Variants in TCTN2 observed in about 807,000 individuals in gnomAD.
The protein encoded by TCTN2 is tectonic-2.
Under a neutral mutation model 83.4 loss-of-function variants are expected in TCTN2, and 66 were observed. The observed-to-expected ratio is 0.79, with a 90% CI of 0.65 to 0.97. TCTN2 has a LOEUF of 0.97. Ranked by LOEUF, TCTN2 falls within the 50% of genes least tolerant of loss-of-function variation. The pLI is 0.00. For missense variants in TCTN2, 794 were observed against 858.1 expected, an observed-to-expected ratio of 0.93 and a Z score of 0.93; for synonymous variants, 301 against 326.7, an observed-to-expected ratio of 0.92 and a Z score of 0.85.
rs1436229349 is a variant in TCTN2, at chr12:123,706,709, T to G, written c.1770-17T>G. 3 of 1,613,852 alleles carry G rather than the reference T, an allele frequency of 1.9e-6. No individual in the cohort carries two copies. The highest frequency in any genetic ancestry group is 2.5e-6 in the Non-Finnish European group (3 of 1,179,950). On this transcript the variant is annotated splice_polypyrimidine_tract_variant and intron_variant, in intron 15 of 17. Transcript: ENST00000303372. The stretch of plus-strand genomic sequence containing the variant: ...CTGAATGGTGGCTATGCTGACCATG[T>G]GATCTTTCCCTCCTAGGTTCTCCTC...
At position 123,671,201 on chromosome 12, in the gene TCTN2, G is replaced by C. The variant is rs1359580957; in HGVS notation, c.-40G>C. The C allele has an allele frequency of 6.3e-7, 1 of 1,581,476 alleles. No individual in the cohort carries two copies. The highest frequency in any genetic ancestry group is 8.6e-7 in the Non-Finnish European group (1 of 1,159,718). The stretch of plus-strand genomic sequence containing the variant: ...CTGAGTCCTTCCTGGGTTCTAATGA[G>C]GGCGCGGTTCTGCTGTGCCCGGCCC... On this transcript the variant is annotated 5_prime_UTR_variant, in exon 1 of 18. Transcript: ENST00000303372.
At chr12:123,674,571 GC>G (rs1479954891) in intron 4 of TCTN2, among the ~76,000 whole-genome samples, 4 of 152,012 alleles carry the variant, frequency 2.6e-5, no homozygotes, top group Non-Finnish European at 4.4e-5. Flanking sequence ...CTCGGCACGT[GC>G]ATTGATTGTC....
intron 11 of TCTN2, chr12:123,695,875 C>T: frequency 6.4e-6 from 1 of 155,414 alleles, no homozygotes; most frequent in Non-Finnish European, 1.4e-5. Flanking sequence ...CGGAGTTTAA[C>T]TCTTGTCACC....
chr12:123,673,490 T>C, intron 3 of TCTN2, 125 bp from the exon 4 acceptor site: 1 of 905,616 alleles, frequency 1.1e-6, no homozygotes, highest in African/African-American at 1.6e-5. Flanking sequence ...GTGTCATCTC[T>C]GTATACATTT....
chr12:123,679,457 G>T (rs1419189619), intron 5 of TCTN2, among the ~76,000 whole-genome samples, 168 bp downstream of exon 5: 1 of 152,092 alleles, frequency 6.6e-6, no homozygotes, highest in Non-Finnish European at 1.5e-5. Flanking sequence ...GACCTCCCGG[G>T]CTCAAGTGAT....
intron 5 of TCTN2, among the ~76,000 whole-genome samples, chr12:123,680,689 G>T (rs1481875606): frequency 6.6e-6 from 1 of 151,120 alleles, no homozygotes; most frequent in East Asian, 2.0e-4. Flanking sequence ...GCTAATTTTT[G>T]TATTTTTAGT....
At chr12:123,687,098 C>A in intron 6 of TCTN2, 63 bp downstream of exon 6, 1 of 1,568,546 alleles carries the variant, frequency 6.4e-7, no homozygotes, top group Non-Finnish European at 8.8e-7. Context: ...GGGCCATACT[C>A]TAGTAGGCCC....
chr12:123,690,250 T>C (rs1593851362), intron 7 of TCTN2, among the ~76,000 whole-genome samples: 1 of 152,218 alleles, frequency 6.6e-6, no homozygotes. Flanking sequence ...AAGTTAAATA[T>C]AGTCATGTCT....
At chr12:123,691,241 T>C (rs1956037390) in intron 8 of TCTN2, among the ~76,000 whole-genome samples, 1 of 152,106 alleles carries the variant, frequency 6.6e-6, no homozygotes, top group African/African-American at 2.4e-5. Context: ...CCATCACCTC[T>C]CTCTAGTTCC....
At chr12:123,681,262 A>AAAAAAAAG (rs796346294) in intron 5 of TCTN2, among the ~76,000 whole-genome samples, 8 of 151,750 alleles carry the variant, frequency 5.3e-5, no homozygotes, top group Non-Finnish European at 4.4e-5. Context: ...CTTTCAAAAA[A>AAAAAAAAG]AAAGAAAGAA....
intron 4 of TCTN2, among the ~76,000 whole-genome samples, chr12:123,676,897 G>T (rs578229260): frequency 1.5e-3 from 233 of 152,254 alleles, no homozygotes; most frequent in African/African-American, 5.0e-3. Context: ...GTGGCTGGGG[G>T]TGGTGGCTCA....
chr12:123,693,468 T>C (rs984470847), intron 9 of TCTN2, among the ~76,000 whole-genome samples: 42 of 141,954 alleles, frequency 3.0e-4, no homozygotes, highest in Middle Eastern at 3.6e-3. Flanking sequence ...TTTTTTTTTT[T>C]TTGAGATGGA....
Position 123,688,032 on chromosome 12 carries a change from C to T in TCTN2, c.765-19C>T, listed in dbSNP as rs757256573. The T allele has an allele frequency of 6.2e-7, 1 of 1,613,366 alleles. No individual in the cohort carries two copies. The highest frequency in any genetic ancestry group is 1.7e-5 in the Admixed American group (1 of 59,962). On this transcript the variant is annotated intron_variant, in intron 6 of 17. Coordinates refer to ENST00000303372, the MANE Select transcript of TCTN2 (RefSeq NM_024809.5). ...TAGCAGATAACTGAAACTATTCAGCCTTTCTTATTGATTTTCAGTTCCCCC... is the reference window on the plus strand; with the variant it reads ...TAGCAGATAACTGAAACTATTCAGCTTTTCTTATTGATTTTCAGTTCCCCC...
chr12:123,674,076 A>G (rs2135816982), intron 4 of TCTN2, among the ~76,000 whole-genome samples: 1 of 152,298 alleles, frequency 6.6e-6, no homozygotes, highest in Middle Eastern at 3.4e-3. Flanking sequence ...TATGCCATGC[A>G]ATTTGTAAAG....
chr12:123,691,601 C>G (rs1956041563), intron 8 of TCTN2, among the ~76,000 whole-genome samples: 1 of 152,066 alleles, frequency 6.6e-6, no homozygotes, highest in Non-Finnish European at 1.5e-5. Context: ...ATAGTGCTGC[C>G]ATGAACACTC....
intron 17 of TCTN2, chr12:123,707,337 C>G (rs1424546130): frequency 1.6e-6 from 1 of 613,236 alleles, no homozygotes; most frequent in African/African-American, 1.8e-5. Context: ...ACCATTGCCT[C>G]CTGGGTTCAG....
intron 6 of TCTN2, 80 bp downstream of exon 6, chr12:123,687,115 G>A (rs1955981372): frequency 1.8e-5 from 28 of 1,543,728 alleles, no homozygotes; most frequent in South Asian, 6.7e-5. Flanking sequence ...GCCCTGCAAC[G>A]CGGTCACGTT....
At chr12:123,684,874 A>G (rs1346731751) in intron 5 of TCTN2, among the ~76,000 whole-genome samples, 4 of 150,830 alleles carry the variant, frequency 2.7e-5, no homozygotes, top group Non-Finnish European at 4.4e-5. Flanking sequence ...ACATGGTGAA[A>G]CCCCGTCTCT....
rs1243129259 is a variant in TCTN2 at position 123,697,066 on chromosome 12, G to T, written c.1394-21G>T. Reference sequence around the variant, plus strand: ...TTTGTTTAGCAAAAAGTAGCAAGAGGATAATCTTTTTCTTTTATAGCTGGA... The same window carrying T: ...TTTGTTTAGCAAAAAGTAGCAAGAGTATAATCTTTTTCTTTTATAGCTGGA... On this transcript the variant is annotated intron_variant, in intron 12 of 17. Transcript: ENST00000303372. 6 of 1,576,788 alleles carry T rather than the reference G, an allele frequency of 3.8e-6. No individual in the cohort carries two copies. In the African/African-American group the frequency reaches 4.0e-5, roughly 11 times the overall value.
Sources: gnomAD v4.1 joint callset for allele counts (sites outside exome capture counted in the v4.1 genomes callset) on GRCh38, gnomAD v4.1.1 for gene constraint, MANE v1.5 for transcripts, NCBI Gene and HGNC (gene_info 2026-07-23, HGNC 2026-07-21) for gene names.